Variants in MAML2 observed in about 807,000 individuals in gnomAD.
MAML2 encodes mastermind like transcriptional coactivator 2.
In MAML2, 22 loss-of-function variants were observed where a neutral mutation model predicts 96.1. The observed-to-expected ratio is 0.23, with a 90% CI of 0.16 to 0.33. The LOEUF is 0.33. Among genes scored for constraint, MAML2 ranks in the 10% least tolerant of loss-of-function variants. The pLI is 1.00. For missense variants in MAML2, 1,367 were observed against 1,392.4 expected (o/e 0.98, Z 0.29); for synonymous variants, 561 against 521.3 (o/e 1.08, Z -1.04).
chr11:96,234,876 A>G (rs1373576009), intron 1 of MAML2, among the ~76,000 whole-genome samples: 1 of 152,226 alleles, frequency 6.6e-6, no homozygotes, highest in Non-Finnish European at 1.5e-5. Flanking sequence ...AGTGAACAAT[A>G]TCTAACACTG....
intron 2 of MAML2, among the ~76,000 whole-genome samples, chr11:96,002,684 ATG>A (rs1858102174): frequency 2.7e-5 from 2 of 73,156 alleles, no homozygotes; most frequent in South Asian, 6.3e-4. Flanking sequence ...AATGATGGGG[ATG>A]GTGGGGAGCA....
At chr11:96,079,401 G>A (rs1859497851) in intron 2 of MAML2, among the ~76,000 whole-genome samples, 1 of 152,154 alleles carries the variant, frequency 6.6e-6, no homozygotes. Context: ...TGAGGGCAAG[G>A]ATTGTGTATT....
intron 2 of MAML2, among the ~76,000 whole-genome samples, chr11:96,024,399 C>T (rs1858483324): frequency 6.6e-6 from 1 of 152,198 alleles, no homozygotes; most frequent in South Asian, 2.1e-4. Flanking sequence ...AGGCTTAAAA[C>T]AGATCTTGCA....
chr11:96,241,753 C>T (rs936075883), intron 1 of MAML2, among the ~76,000 whole-genome samples: 3 of 152,140 alleles, frequency 2.0e-5, no homozygotes, highest in African/African-American at 7.2e-5. Context: ...TCTCATAAAA[C>T]GATGCAAACC....
At chr11:96,094,010 A>ACC (rs1859784566) in intron 1 of MAML2, among the ~76,000 whole-genome samples, 1 of 151,902 alleles carries the variant, frequency 6.6e-6, no homozygotes, top group Non-Finnish European at 1.5e-5. Flanking sequence ...CACAGACCCA[A>ACC]CCCCTTCATC....
chr11:96,138,531 C>T (rs536885895), intron 1 of MAML2, among the ~76,000 whole-genome samples: 1 of 152,266 alleles, frequency 6.6e-6, no homozygotes, highest in South Asian at 2.1e-4. Context: ...ATGTTGAACT[C>T]CTAATGGCTG....
In MAML2 at chr11:96,076,044, C is replaced by T. The variant is rs533080866; in HGVS notation, c.2139+15848G>A. ...TTCAGAATAAATTTGTTAATACATTCTCCTCTCTCCTGCAAGGCCTAGATA... is the reference window on the plus strand; with the variant it reads ...TTCAGAATAAATTTGTTAATACATTTTCCTCTCTCCTGCAAGGCCTAGATA... On this transcript the variant is annotated intron_variant, in intron 2 of 4. Transcript: ENST00000524717. 6.6e-5 allele frequency among the ~76,000 whole-genome samples: 10 copies of T among 152,296 alleles called. No individual in the cohort carries two copies. The East Asian group carries it at 1.7e-3, about 26-fold the overall frequency.
intron 1 of MAML2, among the ~76,000 whole-genome samples, chr11:96,184,925 C>T (rs503747): frequency 0.18 from 27,735 of 152,036 alleles, 2,810 homozygotes; most frequent in African/African-American, 0.26. Flanking sequence ...GTCTAGGATT[C>T]GCTCTTGGGC....
intron 1 of MAML2, among the ~76,000 whole-genome samples, chr11:96,290,691 G>A (rs181088067): frequency 2.9e-3 from 447 of 152,114 alleles, no homozygotes; most frequent in African/African-American, 0.01. Context: ...TCTTACTTTC[G>A]AAAATTAGAA....
chr11:96,034,299 A>T (rs908006539), intron 2 of MAML2, among the ~76,000 whole-genome samples: 40 of 152,168 alleles, frequency 2.6e-4, no homozygotes, highest in Non-Finnish European at 5.3e-4. Flanking sequence ...GTATCTAATG[A>T]CTAACAACCA....
chr11:96,237,401 G>T (rs759840496), intron 1 of MAML2, among the ~76,000 whole-genome samples: 1 of 152,124 alleles, frequency 6.6e-6, no homozygotes, highest in Non-Finnish European at 1.5e-5. Context: ...ACTGCCTATC[G>T]CACAATTAAC....
At chr11:96,030,323 T>C (rs1008886307) in intron 2 of MAML2, among the ~76,000 whole-genome samples, 1 of 152,084 alleles carries the variant, frequency 6.6e-6, no homozygotes. Flanking sequence ...GGGGAATTAC[T>C]CTACCAGGTA....
intron 1 of MAML2, among the ~76,000 whole-genome samples, chr11:96,118,202 C>T (rs145465907): frequency 1.4e-4 from 22 of 152,254 alleles, no homozygotes; most frequent in African/African-American, 4.1e-4. Flanking sequence ...GCTACTTGCA[C>T]GAAAAGACTG....
rs1035273175 is a variant in MAML2 at position 96,308,918 on chromosome 11, G to A, written c.513+32465C>T. Reference sequence around the variant, plus strand: ...TATCTATACACAGTGAACCATACATGTGCTATATACTTTCTGCTCTGTGTA... The same window carrying A: ...TATCTATACACAGTGAACCATACATATGCTATATACTTTCTGCTCTGTGTA... On this transcript the variant is annotated intron_variant, in intron 1 of 4. Coordinates refer to ENST00000524717, the MANE Select transcript of MAML2 (RefSeq NM_032427.4). Among the ~76,000 whole-genome samples the A allele has an allele frequency of 2.6e-5, 4 of 152,278 alleles. 1 individual carries two copies. Among genetic ancestry groups the A allele is most frequent in the Admixed American group, 2.6e-4 (4 of 15,304 alleles).
intron 1 of MAML2, among the ~76,000 whole-genome samples, chr11:96,148,291 G>C (rs1860852433): frequency 6.6e-6 from 1 of 152,030 alleles, no homozygotes; most frequent in Non-Finnish European, 1.5e-5. Flanking sequence ...GATTTTCTTT[G>C]GGGGGTTGTT....
At chr11:96,334,089 C>T (rs1863887265) in intron 1 of MAML2, among the ~76,000 whole-genome samples, 4 of 152,204 alleles carry the variant, frequency 2.6e-5, no homozygotes. Context: ...CACTATTTAA[C>T]ATTCTAGGGA....
intron 2 of MAML2, among the ~76,000 whole-genome samples, chr11:96,076,966 C>G (rs1179623621): frequency 6.6e-6 from 1 of 151,968 alleles, no homozygotes; most frequent in East Asian, 1.9e-4. Context: ...TTTACAATAG[C>G]AAAATTGGGC....
At chr11:96,227,278 A>G (rs1260528727) in intron 1 of MAML2, among the ~76,000 whole-genome samples, 4 of 152,202 alleles carry the variant, frequency 2.6e-5, no homozygotes, top group Admixed American at 6.5e-5. Context: ...TCTAATAGGT[A>G]TATACTTACC....
rs1863992233 is a variant in MAML2 at position 96,341,512 on chromosome 11, T to C, written c.384A>G (p.Pro128=). 1.3e-6 allele frequency: 2 copies of C among 1,545,450 alleles called. No individual in the cohort carries two copies. Among genetic ancestry groups the C allele is most frequent in the Non-Finnish European group, 1.7e-6 (2 of 1,145,148 alleles). Residue 128 remains proline, a synonymous_variant, in exon 1 of 5, where the codon CCA becomes CCG. Transcript: ENST00000524717. ...GCTGCTGGTGGTGATGGTGATAGTC[T>C]GGTGGGGGCGGTGGGGCTGCTGTTG... ...AAATAAPPPP[P]DYHHHHQQHL... is the part of the protein sequence containing the mutation.
Sources: allele counts gnomAD v4.1 joint callset (sites outside exome capture counted in the v4.1 genomes callset), GRCh38; gene constraint gnomAD v4.1.1; transcripts MANE v1.5; gene names NCBI Gene and HGNC (gene_info 2026-07-23, HGNC 2026-07-21).